TMX2: variants seen among roughly 807,000 people sequenced by gnomAD.
The protein encoded by TMX2 is thioredoxin-related transmembrane protein 2.
TMX2 carries 20 observed loss-of-function variants against 33.4 expected under a neutral mutation model. The observed-to-expected ratio is 0.60, with a 90% CI of 0.42 to 0.87. The LOEUF is 0.87. TMX2 is among the 40% of genes least tolerant of loss of function. The pLI, the probability that TMX2 is intolerant of heterozygous loss-of-function variation, is 0.00. For missense variants in TMX2, 340 were observed against 370.7 expected (o/e 0.92, Z 0.68); for synonymous variants, 166 against 140.7 (o/e 1.18, Z -1.27).
intron 1 of TMX2, among the ~76,000 whole-genome samples, chr11:57,722,379 A>G (rs2135515354): frequency 6.6e-6 from 1 of 151,478 alleles, no homozygotes; most frequent in Non-Finnish European, 1.5e-5. Context: ...GAGTCACTGC[A>G]CCCGGCCCTC....
chr11:57,736,092 G>A (rs1948735257), intron 1 of TMX2, among the ~76,000 whole-genome samples: 1 of 152,176 alleles, frequency 6.6e-6, no homozygotes, highest in Non-Finnish European at 1.5e-5. Flanking sequence ...TGTTATGGCC[G>A]AGAACTCAGT....
chr11:57,737,609 G>A lies in TMX2; in HGVS notation c.191G>A (p.Arg64Lys), dbSNP rs375768511. ...TATAATACTTCGATTCTGTTCCAGA[G>A]AGAAGTGGAGATCCTGATGTTTCTC... ...EDGNPCDFDW[R>K]EVEILMFLSA... The change falls in exon 2 of 8, where the codon AGA becomes AAA. Residue 64 changes from arginine (R) to lysine (K), a missense_variant and splice_region_variant. By Grantham distance (26) the Arg-to-Lys change is conservative (BLOSUM62 2). This residue lies in a region of TMX2 where 106 missense variants were observed against 82.7 expected (regional missense o/e 1.28). Coordinates refer to ENST00000278422, the MANE Select transcript of TMX2 (RefSeq NM_015959.4). 20 of 1,613,760 alleles carry A rather than the reference G, an allele frequency of 1.2e-5. No individual in the cohort carries two copies. In the African/African-American group the frequency reaches 2.5e-4, roughly 20 times the overall value.
chr11:57,713,728 C>T (rs550011118), intron 1 of TMX2, among the ~76,000 whole-genome samples: 6 of 152,186 alleles, frequency 3.9e-5, no homozygotes, highest in Non-Finnish European at 5.9e-5. Flanking sequence ...GCTTATATAC[C>T]CTCTTTCATA....
chr11:57,723,805 A>AAATAATAATAATAATAATAAT lies in TMX2; in HGVS notation c.189+11010_189+11030dup, dbSNP rs71061533. On this transcript the variant is annotated intron_variant, in intron 1 of 7. Coordinates refer to ENST00000278422, the MANE Select transcript of TMX2 (RefSeq NM_015959.4). ...GTGACAGAGCAAGACTCTGTCTCAA[A>AAATAATAATAATAATAATAAT]AATAATAATAATAATAATAATAATA... Among the ~76,000 whole-genome samples the AAATAATAATAATAATAATAAT allele has an allele frequency of 1.5e-3, 211 of 142,368 alleles. 1 individual carries two copies. The highest frequency in any genetic ancestry group is 7.4e-3 in the Middle Eastern group (2 of 272). The allele number at this position is 142,368 out of a possible 152,430, so 93.4% of individuals were successfully genotyped here.
intron 3 of TMX2, 22 bp from the exon 4 acceptor site, chr11:57,738,332 G>A (rs750560950): frequency 3.2e-6 from 5 of 1,562,074 alleles, no homozygotes; most frequent in East Asian, 4.5e-5. Flanking sequence ...TGTTTCCTTC[G>A]ACATCTTCTT....
chr11:57,738,598 C>G, intron 4 of TMX2, 66 bp from the exon 5 acceptor site: 6 of 1,431,550 alleles, frequency 4.2e-6, no homozygotes, highest in Non-Finnish European at 5.9e-6. Flanking sequence ...GAATTAGATG[C>G]TAAAGTCTGA....
At chr11:57,717,756 A>G (rs1042228184) in intron 1 of TMX2, among the ~76,000 whole-genome samples, 7 of 77,746 alleles carry the variant, frequency 9.0e-5, no homozygotes, top group South Asian at 4.5e-4. Flanking sequence ...GGGGAGAGGG[A>G]GAGGCAGAGG....
chr11:57,714,355 A>T (rs1381488289), intron 1 of TMX2, among the ~76,000 whole-genome samples: 2 of 152,244 alleles, frequency 1.3e-5, no homozygotes. Flanking sequence ...GGTATTTAAT[A>T]AGAGAGACAT....
intron 1 of TMX2, among the ~76,000 whole-genome samples, chr11:57,726,137 G>C (rs969927204): frequency 1.3e-5 from 2 of 152,100 alleles, no homozygotes; most frequent in Non-Finnish European, 2.9e-5. Flanking sequence ...AGTCTGCCGG[G>C]CGTGGTGGTT....
In TMX2 at chr11:57,719,717, A is replaced by G. The variant is rs12223964; in HGVS notation, c.189+6910A>G. On this transcript the variant is annotated intron_variant, in intron 1 of 7. Coordinates refer to ENST00000278422, the MANE Select transcript of TMX2 (RefSeq NM_015959.4). Reference sequence around the variant, plus strand: ...TTTTTTGTAGAGATGGGGTTTCGCCATGTTGCACAGGCTGATCTTGAACTC... The same window carrying G: ...TTTTTTGTAGAGATGGGGTTTCGCCGTGTTGCACAGGCTGATCTTGAACTC... 2.6e-5 allele frequency among the ~76,000 whole-genome samples: 4 copies of G among 151,614 alleles called. No individual in the cohort carries two copies. In the South Asian group the frequency reaches 6.2e-4, roughly 24 times the overall value.
intron 1 of TMX2, among the ~76,000 whole-genome samples, chr11:57,721,193 C>G (rs1947605181): frequency 1.3e-5 from 2 of 151,818 alleles, no homozygotes; most frequent in African/African-American, 4.8e-5. Flanking sequence ...TCCCAGCTAC[C>G]TGGGAGGTTG....
intron 7 of TMX2, among the ~76,000 whole-genome samples, chr11:57,739,491 C>T (rs1028669301): frequency 1.3e-5 from 2 of 152,170 alleles, no homozygotes; most frequent in African/African-American, 4.8e-5. Context: ...GGCACGGTGG[C>T]TCACGCCTGT....
intron 1 of TMX2, among the ~76,000 whole-genome samples, chr11:57,731,798 T>TA (rs1200086958): frequency 1.3e-5 from 2 of 152,076 alleles, no homozygotes; most frequent in Non-Finnish European, 2.9e-5. Context: ...GCACAATTTG[T>TA]ATGTCATTCT....
At chr11:57,733,256 T>A (rs923644231) in intron 1 of TMX2, among the ~76,000 whole-genome samples, 10 of 145,948 alleles carry the variant, frequency 6.9e-5, no homozygotes, top group African/African-American at 2.6e-4. Flanking sequence ...AATTTTTTTT[T>A]TTTTTTTTTT....
chr11:57,718,628 C>A (rs1402785529), intron 1 of TMX2: 8 of 363,296 alleles, frequency 2.2e-5, no homozygotes, highest in Non-Finnish European at 4.1e-5. Flanking sequence ...TTCCTCCATT[C>A]ATTTATTCTG....
At chr11:57,734,418 C>T (rs974750400) in intron 1 of TMX2, among the ~76,000 whole-genome samples, 4 of 152,132 alleles carry the variant, frequency 2.6e-5, no homozygotes, top group Non-Finnish European at 5.9e-5. Context: ...TTTGGTCCTA[C>T]CTTTGGTCCC....
chr11:57,721,529 T>C (rs1237998415), intron 1 of TMX2, among the ~76,000 whole-genome samples: 1 of 151,994 alleles, frequency 6.6e-6, no homozygotes, highest in Non-Finnish European at 1.5e-5. Flanking sequence ...TTGGTCAGGC[T>C]GTTCTCAAGC....
At chr11:57,717,388 G>A (rs1947195763) in intron 1 of TMX2, among the ~76,000 whole-genome samples, 1 of 151,864 alleles carries the variant, frequency 6.6e-6, no homozygotes, top group Non-Finnish European at 1.5e-5. Context: ...CTGAGATCAC[G>A]CCACTGCACT....
At chr11:57,725,376 T>C (rs1200302116) in intron 1 of TMX2, among the ~76,000 whole-genome samples, 1 of 152,170 alleles carries the variant, frequency 6.6e-6, no homozygotes, top group African/African-American at 2.4e-5. Context: ...CTGCTAAAAC[T>C]ATACAAGCTG....
Sources: allele counts gnomAD v4.1 joint callset (sites outside exome capture counted in the v4.1 genomes callset), GRCh38; gene constraint gnomAD v4.1.1; regional missense constraint gnomAD v4.1.1; transcripts MANE v1.5; gene names NCBI Gene and HGNC (gene_info 2026-07-23, HGNC 2026-07-21).